KCNAB3: variants seen among roughly 807,000 people sequenced by gnomAD.
KCNAB3 encodes potassium voltage-gated channel subfamily A regulatory beta subunit 3.
A neutral mutation model predicts 67.7 loss-of-function variants in KCNAB3; 62 were observed. The observed-to-expected ratio is 0.92, with a 90% CI of 0.75 to 1.13. The LOEUF (loss-of-function observed/expected upper bound fraction) is 1.13, where lower values mean the gene tolerates loss of function less well. KCNAB3 is among the 50% of genes most tolerant of loss of function. KCNAB3 has a pLI of 0.00. For synonymous variants in KCNAB3, 212 were observed against 205.4 expected (o/e 1.03, Z -0.27); for missense variants, 514 against 522.9 (o/e 0.98, Z 0.17).
chr17:7,926,470 C>T (rs962457862), intron 4 of KCNAB3, among the ~76,000 whole-genome samples: 8 of 152,164 alleles, frequency 5.3e-5, no homozygotes, highest in African/African-American at 1.9e-4. Flanking sequence ...TCTGCAAAAT[C>T]CCACCCGTCC....
chr17:7,928,236 T>C (rs1298875811), intron 1 of KCNAB3: 1 of 260,766 alleles, frequency 3.8e-6, no homozygotes, highest in Non-Finnish European at 7.4e-6. Context: ...CTGTGCCAAA[T>C]GGTAGATGGC....
intron 4 of KCNAB3, among the ~76,000 whole-genome samples, chr17:7,926,342 G>A (rs1453067170): frequency 6.6e-6 from 1 of 152,206 alleles, no homozygotes; most frequent in African/African-American, 2.4e-5. Flanking sequence ...AAGCCCTGCT[G>A]TGGGTGCCAA....
chr17:7,923,055 C>T lies in KCNAB3; in HGVS notation c.*47G>A, dbSNP rs559998013. On this transcript the variant is annotated 3_prime_UTR_variant, in exon 14 of 14. Coordinates refer to ENST00000303790, the MANE Select transcript of KCNAB3 (RefSeq NM_004732.4). ...AGAGGCGGCTGCGAGGAGCGGGGCT[C>T]GGGCGGGTGCAGCGACACCGGGTTG... 24 of 1,574,846 alleles carry T rather than the reference C, an allele frequency of 1.5e-5. No individual in the cohort carries two copies. Among genetic ancestry groups the T allele is most frequent in the Non-Finnish European group, 1.9e-5 (22 of 1,145,038 alleles).
intron 8 of KCNAB3, 148 bp from the exon 9 acceptor site, chr17:7,924,648 C>G: frequency 7.2e-7 from 1 of 1,396,470 alleles, no homozygotes; most frequent in Non-Finnish European, 9.3e-7. Flanking sequence ...CTCTTCCTGT[C>G]CACATCCTGG....
In KCNAB3 at chr17:7,923,763, G is replaced by A; in HGVS notation, c.996C>T (p.Asp332=). Residue 332 remains aspartate, a synonymous_variant, in exon 12 of 14, where the codon GAC becomes GAT. Transcript: ENST00000303790. ...DGKKQQAKVM[D]LLPVAHQLGC... is the part of the protein sequence containing the mutation. Reference sequence around the variant, plus strand: ...CCAGCTGGTGAGCGACAGGAAGAAGGTCCATGACTTTGGCTTGTTGCTTCT... The same window carrying A: ...CCAGCTGGTGAGCGACAGGAAGAAGATCCATGACTTTGGCTTGTTGCTTCT... 1 of 1,579,026 alleles carries A rather than the reference G, an allele frequency of 6.3e-7. No individual in the cohort carries two copies. Among genetic ancestry groups the A allele is most frequent in the African/African-American group, 1.3e-5 (1 of 74,412 alleles).
At chr17:7,925,774 C>T (rs757981070) in intron 6 of KCNAB3, 48 bp from the exon 7 acceptor site, 5 of 1,611,682 alleles carry the variant, frequency 3.1e-6, no homozygotes, top group Non-Finnish European at 4.2e-6. Context: ...AGATAGGGGA[C>T]CGGGGCTGGC....
chr17:7,925,731 A>G lies in KCNAB3; in HGVS notation c.495-5T>C, dbSNP rs1972207212. 1 of 1,613,944 alleles carries G rather than the reference A, an allele frequency of 6.2e-7. No individual in the cohort carries two copies. The highest frequency in any genetic ancestry group is 2.2e-5 in the East Asian group (1 of 44,872). ...AAACCTCGCTCGGTTTCTGCCCTGTAGGAAAAGGTAAGTCAAAGATGAGAT... is the reference window on the plus strand; with the variant it reads ...AAACCTCGCTCGGTTTCTGCCCTGTGGGAAAAGGTAAGTCAAAGATGAGAT... On this transcript the variant is annotated splice_region_variant and splice_polypyrimidine_tract_variant and intron_variant, in intron 6 of 13. Coordinates refer to ENST00000303790, the MANE Select transcript of KCNAB3 (RefSeq NM_004732.4).
chr17:7,924,445 C>T lies in KCNAB3; in HGVS notation c.681G>A (p.Gly227=). The change falls in exon 9 of 14, where the codon GGG becomes GGA. Residue 227 remains glycine, a synonymous_variant. Transcript: ENST00000303790. ...TTTCTGCAGCCCCCCATCGGGATGTCCCCCAGTATAGGGCCAGGCCCTGGT... is the reference window on the plus strand; with the variant it reads ...TTTCTGCAGCCCCCCATCGGGATGTTCCCCAGTATAGGGCCAGGCCCTGGT... ...VINQGLALYW[G]TSRWGAAEIM... The T allele has an allele frequency of 6.2e-7, 1 of 1,614,008 alleles. No homozygotes were observed. The highest frequency in any genetic ancestry group is 8.5e-7 in the Non-Finnish European group (1 of 1,179,924).
At chr17:7,923,597 G>C in intron 12 of KCNAB3, 53 bp from the exon 13 acceptor site, 1 of 1,560,640 alleles carries the variant, frequency 6.4e-7, no homozygotes, top group East Asian at 2.4e-5. Context: ...TGACCACATA[G>C]ATTTCAGAAG....
At position 7,923,485 on chromosome 17, in the gene KCNAB3, G is replaced by C. The variant is rs755051953; in HGVS notation, c.1108C>G (p.Gln370Glu). 19 of 1,612,354 alleles carry C rather than the reference G, an allele frequency of 1.2e-5. No homozygotes were observed. The highest frequency in any genetic ancestry group is 1.5e-5 in the Non-Finnish European group (18 of 1,179,336). Residue 370 changes from glutamine (Q) to glutamate (E), a missense_variant, in exon 13 of 14, where the codon CAG becomes GAG. Transcript: ENST00000303790. ...SVLLGVSSAEQLIEHLGALQV... is the reference protein window; with the variant it reads ...SVLLGVSSAEELIEHLGALQV... ...AGCGCGCCCAGGTGTTCTATCAACT[G>C]CTCCGCACTCGACACCCCCAGCAAG...
intron 10 of KCNAB3, 38 bp downstream of exon 10, chr17:7,924,107 A>G (rs567178691): frequency 1.2e-6 from 2 of 1,614,168 alleles, no homozygotes; most frequent in South Asian, 2.2e-5. Context: ...CTAGCCATGG[A>G]TGAGGCTAAG....
At chr17:7,927,131 T>C (rs752782303) in intron 4 of KCNAB3, 137 of 590,962 alleles carry the variant, frequency 2.3e-4, no homozygotes, top group Non-Finnish European at 3.5e-4. Context: ...CTTTATTTAA[T>C]GTAGCTGCAC....
At position 7,922,903 on chromosome 17, in the gene KCNAB3, C is replaced by CT; in HGVS notation, c.*198dup. 2 of 596,210 alleles carry CT rather than the reference C, an allele frequency of 3.4e-6. No individual in the cohort carries two copies. Among genetic ancestry groups the CT allele is most frequent in the Non-Finnish European group, 6.0e-6 (2 of 331,572 alleles). The allele number at this position is 596,210 out of a possible 1,614,324, so 36.9% of individuals were successfully genotyped here. On this transcript the variant is annotated 3_prime_UTR_variant, in exon 14 of 14. Coordinates refer to ENST00000303790, the MANE Select transcript of KCNAB3 (RefSeq NM_004732.4). Reference sequence around the variant, plus strand: ...GACGCAGCAGGGGGCGGGCGTGCTACTTTCTCTCTCGACCCCACTGCAAAA... The same window carrying CT: ...GACGCAGCAGGGGGCGGGCGTGCTACTTTTCTCTCTCGACCCCACTGCAAAA...
In KCNAB3 at chr17:7,929,721, T is replaced by G; in HGVS notation, c.-286A>C. 1.6e-6 allele frequency: 2 copies of G among 1,254,318 alleles called. No individual in the cohort carries two copies. The highest frequency in any genetic ancestry group is 2.0e-6 in the Non-Finnish European group (2 of 993,912). 77.7% of individuals were successfully genotyped at this position (1,254,318 alleles called of 1,614,324 possible). A position where few individuals can be genotyped will look rare whatever the true frequency, so the allele number is the denominator to read the frequency against. Reference sequence around the variant, plus strand: ...ATTAGGAGGGGGAAATGGATGAGGGTAAAGGTCGAGGATGAGGTAAAGGTC... The same window carrying G: ...ATTAGGAGGGGGAAATGGATGAGGGGAAAGGTCGAGGATGAGGTAAAGGTC... On this transcript the variant is annotated 5_prime_UTR_variant, in exon 1 of 14. Transcript: ENST00000303790. The surrounding 1 kb of genome is among the most constrained non-coding windows in gnomAD (Gnocchi z 5.7).
In KCNAB3 at chr17:7,924,430, C is replaced by T. The variant is rs1972156666; in HGVS notation, c.696G>A (p.Gly232=). 1.2e-6 allele frequency: 2 copies of T among 1,613,940 alleles called. No homozygotes were observed. The highest frequency in any genetic ancestry group is 1.7e-6 in the Non-Finnish European group (2 of 1,179,872). Residue 232 remains glycine (G), a synonymous_variant, in exon 9 of 14, where the codon GGG becomes GGA. Coordinates refer to ENST00000303790, the MANE Select transcript of KCNAB3 (RefSeq NM_004732.4). Reference sequence around the variant, plus strand: ...ACACACTCACCATGATTTCTGCAGCCCCCCATCGGGATGTCCCCCAGTATA... The same window carrying T: ...ACACACTCACCATGATTTCTGCAGCTCCCCATCGGGATGTCCCCCAGTATA... The part of the protein sequence containing the change: ...LALYWGTSRW[G]AAEIMEAYSM...
chr17:7,922,849 GC>G lies in KCNAB3; in HGVS notation c.*252del. 1.8e-6 allele frequency: 1 copy of G among 551,162 alleles called. No homozygotes were observed. Among genetic ancestry groups the G allele is most frequent in the East Asian group, 3.0e-5 (1 of 33,442 alleles). 34.1% of individuals were successfully genotyped at this position (551,162 alleles called of 1,614,324 possible). A position where few individuals can be genotyped will look rare whatever the true frequency, so the allele number is the denominator to read the frequency against. The stretch of plus-strand genomic sequence containing the variant: ...AGAGAGCCGACGGCGAGTAGCTCAT[GC>G]CCGGGATTTGCAAGAAGGGCCTAGA... On this transcript the variant is annotated 3_prime_UTR_variant, in exon 14 of 14. Transcript: ENST00000303790.
chr17:7,929,827 T>C lies in KCNAB3; in HGVS notation c.-392A>G. 1 of 1,026,656 alleles carries C rather than the reference T, an allele frequency of 9.7e-7. No individual in the cohort carries two copies. Among genetic ancestry groups the C allele is most frequent in the Non-Finnish European group, 1.2e-6 (1 of 855,794 alleles). 63.6% of individuals were successfully genotyped at this position (1,026,656 alleles called of 1,614,324 possible). On this transcript the variant is annotated 5_prime_UTR_variant, in exon 1 of 14. Coordinates refer to ENST00000303790, the MANE Select transcript of KCNAB3 (RefSeq NM_004732.4). The surrounding 1 kb of genome is among the most constrained non-coding windows in gnomAD (Gnocchi z 5.7). ...CGAACCGCTGCGGGACCCGCTGGGCTCCCAGCCGCGTCGGCAGCGGGCCCA... is the reference window on the plus strand; with the variant it reads ...CGAACCGCTGCGGGACCCGCTGGGCCCCCAGCCGCGTCGGCAGCGGGCCCA...
chr17:7,927,870 T>G, intron 1 of KCNAB3, 44 bp from the exon 2 acceptor site: 17 of 1,611,210 alleles, frequency 1.1e-5, no homozygotes, highest in Non-Finnish European at 1.4e-5. Context: ...GCCTCCATTA[T>G]GGACTTAGAT....
At chr17:7,924,361 G>T in intron 9 of KCNAB3, 54 bp downstream of exon 9, 1 of 1,607,556 alleles carries the variant, frequency 6.2e-7, no homozygotes, top group Non-Finnish European at 8.5e-7. Flanking sequence ...GAGTAACCAC[G>T]TGAAAAGTGG....
Sources: gnomAD v4.1 joint callset for allele counts (sites outside exome capture counted in the v4.1 genomes callset) on GRCh38, gnomAD v4.1.1 for gene constraint, Gnocchi (gnomAD v3.1) non-coding constraint, MANE v1.5 for transcripts, NCBI Gene and HGNC (gene_info 2026-07-23, HGNC 2026-07-21) for gene names.